CDAN1: variants seen among roughly 807,000 people sequenced by gnomAD.
The protein encoded by CDAN1 is codanin-1.
A neutral mutation model predicts 139.8 loss-of-function variants in CDAN1; 107 were observed. The ratio of observed to expected loss-of-function variants is 0.77; its 90% CI spans 0.65 to 0.90. The LOEUF (loss-of-function observed/expected upper bound fraction) is 0.90, where lower values mean the gene tolerates loss of function less well. Among genes scored for constraint, CDAN1 ranks in the 40% least tolerant of loss-of-function variants. The pLI is 0.00. For missense variants in CDAN1, 1,667 were observed against 1,575.7 expected, an observed-to-expected ratio of 1.06 and a Z score of -0.98; for synonymous variants, 776 against 660.6, an observed-to-expected ratio of 1.17 and a Z score of -2.68.
chr15:42,737,109 C>T lies in CDAN1; in HGVS notation c.-7G>A. 1.4e-6 allele frequency: 2 copies of T among 1,433,790 alleles called. No homozygotes were observed. The highest frequency in any genetic ancestry group is 9.2e-7 in the Non-Finnish European group (1 of 1,081,698). 88.8% of individuals were successfully genotyped at this position (1,433,790 alleles called of 1,614,324 possible). Reference sequence around the variant, plus strand: ...ACTCCAAAACGGCCGCCATCCCGGTCGGGGCGCTCTGGGGCGACTGCGCAG... The same window carrying T: ...ACTCCAAAACGGCCGCCATCCCGGTTGGGGCGCTCTGGGGCGACTGCGCAG... On this transcript the variant is annotated 5_prime_UTR_variant, in exon 1 of 28. Coordinates refer to ENST00000356231, the MANE Select transcript of CDAN1 (RefSeq NM_138477.4).
intron 25 of CDAN1, among the ~76,000 whole-genome samples, 163 bp downstream of exon 25, chr15:42,725,934 C>T (rs1293298177): frequency 7.0e-6 from 1 of 142,302 alleles, no homozygotes; most frequent in Non-Finnish European, 1.5e-5. Context: ...TAAGATCGTG[C>T]CACTGCACTC....
chr15:42,736,447 C>T lies in CDAN1; in HGVS notation c.424G>A (p.Gly142Arg), dbSNP rs1309591240. 1.9e-6 allele frequency: 3 copies of T among 1,575,234 alleles called. No individual in the cohort carries two copies. The highest frequency in any genetic ancestry group is 2.6e-6 in the Non-Finnish European group (3 of 1,162,214). ...GGRGLEEGVS[G>R]ESLPGAGGRR... ...CCCCCGGCTCCGGGCAGGCTCTCCC[C>T]GCTGACCCCCTCCTCCAGGCCGCGG... The change falls in exon 2 of 28, where the codon GGG becomes AGG. Residue 142 changes from glycine (G) to arginine (R), a missense_variant. Gly to Arg is a moderately radical substitution (Grantham distance 125). This residue lies in a region of CDAN1 where 487 missense variants were observed against 422.2 expected (regional missense o/e 1.15). Coordinates refer to ENST00000356231, the MANE Select transcript of CDAN1 (RefSeq NM_138477.4).
rs202001546 is a variant in CDAN1, at chr15:42,733,108, G to T, written c.1446C>A (p.Gly482=). The change falls in exon 9 of 28, where the codon GGC becomes GGA. Residue 482 remains glycine (G), a synonymous_variant. Coordinates refer to ENST00000356231, the MANE Select transcript of CDAN1 (RefSeq NM_138477.4). ...EPGWDFEKGL[G]SRIRAMMGQL... ...GTCTGAGCACCCACCTGATTCTGCTGCCCAAGCCCTTCTCAAAATCCCAGC... is the reference window on the plus strand; with the variant it reads ...GTCTGAGCACCCACCTGATTCTGCTTCCCAAGCCCTTCTCAAAATCCCAGC... 4.1e-5 allele frequency: 66 copies of T among 1,613,806 alleles called. No individual in the cohort carries two copies. The highest frequency in any genetic ancestry group is 5.6e-5 in the Non-Finnish European group (66 of 1,179,934).
At chr15:42,735,213 G>C in intron 5 of CDAN1, 35 bp from the exon 6 acceptor site, 2 of 1,602,362 alleles carry the variant, frequency 1.2e-6, no homozygotes, top group South Asian at 1.1e-5. Context: ...AGTTAAGAAC[G>C]GTCCCGTTTC....
chr15:42,728,949 C>T, intron 19 of CDAN1, 74 bp downstream of exon 19: 2 of 1,575,884 alleles, frequency 1.3e-6, no homozygotes, highest in Non-Finnish European at 1.7e-6. Flanking sequence ...GGCTGACCTT[C>T]TCAGTTTAGC....
intron 24 of CDAN1, 60 bp from the exon 25 acceptor site, chr15:42,726,220 G>C (rs2061525231): frequency 6.2e-7 from 1 of 1,604,614 alleles, no homozygotes; most frequent in East Asian, 2.2e-5. Flanking sequence ...ACTGCTGCGA[G>C]AACTGGCCCT....
rs2061491242 is a variant in CDAN1 at position 42,724,002 on chromosome 15, AC to A, written c.*488del. ...TGGGATTACAGGCATGAGCCACCAG[AC>A]CCGGCCTGTGTTAGGCATTTATAAG... is the stretch of plus-strand genomic sequence containing the variant. On this transcript the variant is annotated 3_prime_UTR_variant, in exon 28 of 28. Transcript: ENST00000356231. The A allele has an allele frequency of 3.4e-5, 7 of 206,790 alleles. No homozygotes were observed. The South Asian group carries it at 5.9e-4, about 17-fold the overall frequency. The allele number at this position is 206,790 out of a possible 1,614,324, so 12.8% of individuals were successfully genotyped here.
rs1384797283 is a variant in CDAN1 at position 42,724,536 on chromosome 15, A to G, written c.3639T>C (p.Cys1213=). 11 of 1,566,124 alleles carry G rather than the reference A, an allele frequency of 7.0e-6. No individual in the cohort carries two copies. The highest frequency in any genetic ancestry group is 1.9e-5 in the Admixed American group (1 of 53,180). ...PHLPEPQLRA[C]ELVQPNRGTV... is the part of the protein sequence containing the mutation. Reference sequence around the variant, plus strand: ...TGCCCCGGTTTGGCTGCACCAACTCACAGGCTCTTAGCTGGGGTTCTGGCA... The same window carrying G: ...TGCCCCGGTTTGGCTGCACCAACTCGCAGGCTCTTAGCTGGGGTTCTGGCA... Residue 1213 remains cysteine (C), a synonymous_variant, in exon 28 of 28, where the codon TGT becomes TGC. Transcript: ENST00000356231.
At chr15:42,724,675 C>T in intron 27 of CDAN1, 59 bp from the exon 28 acceptor site, 1 of 1,541,122 alleles carries the variant, frequency 6.5e-7, no homozygotes, top group Non-Finnish European at 8.8e-7. Flanking sequence ...AATGGCTCAT[C>T]CTTTGTCACT....
chr15:42,733,028 C>A, intron 9 of CDAN1, 69 bp downstream of exon 9: 1 of 1,362,416 alleles, frequency 7.3e-7, no homozygotes, highest in South Asian at 1.2e-5. Context: ...CTCCTCCTCC[C>A]TCCTGCCACC....
chr15:42,728,088 G>T, intron 21 of CDAN1, 55 bp from the exon 22 acceptor site: 1 of 1,597,796 alleles, frequency 6.3e-7, no homozygotes, highest in Non-Finnish European at 8.6e-7. Flanking sequence ...TGCAACAAAG[G>T]ATGCCAGAGT....
chr15:42,726,506 A>G, intron 23 of CDAN1, 89 bp from the exon 24 acceptor site: 1 of 1,019,978 alleles, frequency 9.8e-7, no homozygotes, highest in Non-Finnish European at 1.5e-6. Flanking sequence ...GCCAGTGGAG[A>G]GAGGCAGAAG....
In CDAN1 at chr15:42,733,192, G is replaced by A. The variant is rs200290322; in HGVS notation, c.1368-6C>T. ...GCACCTCATAAAACACATCCCTGAC[G>A]CATAAGAACGCCTGATCAGCCGAGG... On this transcript the variant is annotated splice_region_variant and splice_polypyrimidine_tract_variant and intron_variant, in intron 8 of 27. Coordinates refer to ENST00000356231, the MANE Select transcript of CDAN1 (RefSeq NM_138477.4). The A allele has an allele frequency of 8.7e-4, 1,397 of 1,612,706 alleles. 2 individuals are homozygous for A. The highest frequency in any genetic ancestry group is 1.1e-3 in the Non-Finnish European group (1,325 of 1,179,114).
chr15:42,736,880 G>A (rs2061697256), intron 1 of CDAN1, 100 bp from the exon 2 acceptor site: 3 of 1,452,990 alleles, frequency 2.1e-6, no homozygotes, highest in Non-Finnish European at 2.7e-6. Flanking sequence ...GGGCGGCCCG[G>A]GCAGCGGCGC....
At chr15:42,727,455 TC>T (rs1165134239) in intron 23 of CDAN1, among the ~76,000 whole-genome samples, 165 bp downstream of exon 23, 7 of 152,210 alleles carry the variant, frequency 4.6e-5, no homozygotes, top group Non-Finnish European at 7.3e-5. Flanking sequence ...TCAATTCAGC[TC>T]TGCCCTACCT....
chr15:42,729,156 T>G (rs1030135202), intron 18 of CDAN1, 30 bp from the exon 19 acceptor site: 1 of 1,613,612 alleles, frequency 6.2e-7, no homozygotes, highest in African/African-American at 1.3e-5. Flanking sequence ...GCAGCAAGGC[T>G]TCCTCCAGCC....
At chr15:42,731,442 C>G (rs1188473974) in intron 11 of CDAN1, 111 bp from the exon 12 acceptor site, 1 of 1,524,332 alleles carries the variant, frequency 6.6e-7, no homozygotes, top group Non-Finnish European at 9.1e-7. Flanking sequence ...CAGGGAGGCC[C>G]AGGAGCAATG....
In CDAN1 at chr15:42,731,281, T is replaced by G. The variant is rs778169314; in HGVS notation, c.1790A>C (p.Glu597Ala). The G allele has an allele frequency of 6.2e-7, 1 of 1,614,036 alleles. No homozygotes were observed. The highest frequency in any genetic ancestry group is 8.5e-7 in the Non-Finnish European group (1 of 1,180,044). The part of the protein sequence containing the change: ...LMDSLSLKIQ[E>A]LNGLALPQHE... The stretch of plus-strand genomic sequence containing the variant: ...CTGGGGCAGGGCAAGACCATTGAGC[T>G]CCTGGATCTTCAAGCTCAGACTGTC... The change falls in exon 12 of 28, where the codon GAG becomes GCG. Residue 597 changes from glutamate to alanine, a missense_variant. Physicochemically the swap from Glu to Ala is moderately radical, Grantham distance 107. Transcript: ENST00000356231.
Position 42,730,742 on chromosome 15 carries a change from C to CGCACATCCA in CDAN1, c.2021_2029dup (p.Leu674_Val676dup). 2 of 1,612,398 alleles carry CGCACATCCA rather than the reference C, an allele frequency of 1.2e-6. No individual in the cohort carries two copies. The highest frequency in any genetic ancestry group is 1.7e-6 in the Non-Finnish European group (2 of 1,179,222). Reference sequence around the variant, plus strand: ...CTGCAGCCCTCGCTGCAGCAGAGTCCGCACATCCAGGACCGGAGGGACCTG... The same window carrying CGCACATCCA: ...CTGCAGCCCTCGCTGCAGCAGAGTCCGCACATCCAGCACATCCAGGACCGGAGGGACCTG... On this transcript the variant is annotated inframe_insertion, in exon 14 of 28. Coordinates refer to ENST00000356231, the MANE Select transcript of CDAN1 (RefSeq NM_138477.4).
Sources: allele counts gnomAD v4.1 joint callset (sites outside exome capture counted in the v4.1 genomes callset), GRCh38; gene constraint gnomAD v4.1.1; regional missense constraint gnomAD v4.1.1; transcripts MANE v1.5; gene names NCBI Gene and HGNC (gene_info 2026-07-23, HGNC 2026-07-21).